Variants in GRB14 observed in about 807,000 individuals in gnomAD.
GRB14 encodes growth factor receptor-bound protein 14.
In GRB14, 38 loss-of-function variants were observed where a neutral mutation model predicts 69.1. The ratio of observed to expected loss-of-function variants is 0.55; its 90% CI spans 0.42 to 0.72. The LOEUF is 0.72. Ranked by LOEUF, GRB14 falls within the 30% of genes least tolerant of loss-of-function variation. The pLI is 0.00. For missense variants in GRB14, 666 were observed against 666.1 expected, an observed-to-expected ratio of 1.00 and a Z score of 0.00; for synonymous variants, 247 against 241.3, an observed-to-expected ratio of 1.02 and a Z score of -0.22.
chr2:164,560,510 A>G (rs1688795085), intron 2 of GRB14, among the ~76,000 whole-genome samples: 1 of 152,032 alleles, frequency 6.6e-6, no homozygotes, highest in African/African-American at 2.4e-5. Flanking sequence ...CAAAGTTAAT[A>G]TCTATTTTTT....
intron 2 of GRB14, among the ~76,000 whole-genome samples, chr2:164,559,911 T>C (rs1055630694): frequency 1.3e-5 from 2 of 152,206 alleles, no homozygotes; most frequent in Non-Finnish European, 2.9e-5. Context: ...TAAATATTTA[T>C]TTTACATCAG....
chr2:164,541,598 G>C (rs1240764517), intron 3 of GRB14, among the ~76,000 whole-genome samples: 1 of 151,628 alleles, frequency 6.6e-6, no homozygotes, highest in Non-Finnish European at 1.5e-5. Context: ...TCAGGCAAAA[G>C]AGACCCTATC....
At chr2:164,538,784 A>G (rs143452456) in intron 3 of GRB14, among the ~76,000 whole-genome samples, 262 of 152,332 alleles carry the variant, frequency 1.7e-3, no homozygotes, top group Non-Finnish European at 2.9e-3. Context: ...TACAAATTCA[A>G]AAACAGGTAA....
intron 3 of GRB14, chr2:164,539,955 A>G (rs753808496): frequency 2.6e-5 from 4 of 152,190 alleles, no homozygotes; most frequent in Non-Finnish European, 5.9e-5. Flanking sequence ...TTAGTAGTAT[A>G]CTTTTAAAAC....
At chr2:164,529,337 C>T (rs557502351) in intron 3 of GRB14, among the ~76,000 whole-genome samples, 3 of 152,162 alleles carry the variant, frequency 2.0e-5, no homozygotes, top group East Asian at 1.9e-4. Flanking sequence ...GATTGATGGC[C>T]AGTCGTGATG....
At chr2:164,552,517 CA>C (rs1409660322) in intron 2 of GRB14, among the ~76,000 whole-genome samples, 1 of 152,124 alleles carries the variant, frequency 6.6e-6, no homozygotes. Flanking sequence ...GAGTAAGAGA[CA>C]AATACTTTCT....
In GRB14 at chr2:164,527,077, T is replaced by G; in HGVS notation, c.540A>C (p.Glu180Asp). 5 of 1,589,270 alleles carry G rather than the reference T, an allele frequency of 3.1e-6. No individual in the cohort carries two copies. The highest frequency in any genetic ancestry group is 4.3e-6 in the Non-Finnish European group (5 of 1,160,386). ...VIEVLSNWGI[E>D]EENKLYFRKN... ...TTCTAAAGTATAGTTTGTTTTCTTC[T>G]TCTATCCCCCAGTTGGATAGCACTT... Residue 180 changes from glutamate (E) to aspartate (D), a missense_variant, in exon 4 of 14, where the codon GAA becomes GAC. Glu to Asp is a conservative substitution (Grantham distance 45). Coordinates refer to ENST00000263915, the MANE Select transcript of GRB14 (RefSeq NM_004490.3).
At chr2:164,611,499 T>G (rs745443341) in intron 2 of GRB14, among the ~76,000 whole-genome samples, 18 of 151,882 alleles carry the variant, frequency 1.2e-4, no homozygotes, top group Non-Finnish European at 1.9e-4. Context: ...TGGAGAAAGA[T>G]AAATTTAGAG....
chr2:164,603,944 A>T (rs2105354514), intron 2 of GRB14, among the ~76,000 whole-genome samples: 1 of 152,358 alleles, frequency 6.6e-6, no homozygotes, highest in African/African-American at 2.4e-5. Flanking sequence ...AGAATAATAC[A>T]GGTAATTCAC....
chr2:164,570,005 A>T (rs1004629958), intron 2 of GRB14, among the ~76,000 whole-genome samples: 1 of 152,146 alleles, frequency 6.6e-6, no homozygotes, highest in Non-Finnish European at 1.5e-5. Context: ...CAAGAATATC[A>T]CCCATAATAT....
chr2:164,560,004 G>C (rs947745027), intron 2 of GRB14, among the ~76,000 whole-genome samples: 1 of 152,098 alleles, frequency 6.6e-6, no homozygotes, highest in African/African-American at 2.4e-5. Context: ...AGGTTAGAAG[G>C]GTTCCTGGAG....
Position 164,619,120 on chromosome 2 carries a change from T to C in GRB14, c.324+567A>G, listed in dbSNP as rs138401216. The stretch of plus-strand genomic sequence containing the variant: ...AATCATAAAGATATGGTCCTTAGTC[T>C]TCTAATTATCACTACGAGTCATCTA... On this transcript the variant is annotated intron_variant, in intron 2 of 13. Transcript: ENST00000263915. Among the ~76,000 whole-genome samples the C allele has an allele frequency of 2.0e-5, 3 of 152,326 alleles. No individual in the cohort carries two copies. In the East Asian group the frequency reaches 5.8e-4, roughly 29 times the overall value.
intron 2 of GRB14, among the ~76,000 whole-genome samples, chr2:164,585,168 G>A (rs556346265): frequency 5.4e-4 from 65 of 121,280 alleles, no homozygotes; most frequent in African/African-American, 1.7e-3. Context: ...GGCTGGTCTC[G>A]AACTCCTGAC....
intron 2 of GRB14, among the ~76,000 whole-genome samples, chr2:164,617,162 G>T (rs1030327758): frequency 2.6e-5 from 4 of 152,194 alleles, no homozygotes; most frequent in African/African-American, 9.6e-5. Flanking sequence ...TCAACTTTGG[G>T]GTACCCTTGT....
rs1686840861 is a variant in GRB14 at position 164,494,510 on chromosome 2, C to T, written c.1397G>A (p.Arg466Gln). The T allele has an allele frequency of 1.9e-6, 3 of 1,563,680 alleles. No individual in the cohort carries two copies. The highest frequency in any genetic ancestry group is 2.2e-5 in the East Asian group (1 of 44,536). ...AGTTTTGGGGTTACTCTGACTATCC[C>T]GTACCAAGAAAACTCTAAAGAGAGA... The part of the protein sequence containing the change: ...QGLVDGVFLV[R>Q]DSQSNPKTFV... The change falls in exon 13 of 14, where the codon CGG (arginine) becomes CAG (glutamine). Residue 466 changes from arginine to glutamine, a missense_variant. Arg to Gln is a conservative substitution (Grantham distance 43, BLOSUM62 1). Coordinates refer to ENST00000263915, the MANE Select transcript of GRB14 (RefSeq NM_004490.3).
chr2:164,557,119 A>C (rs949734039), intron 2 of GRB14, among the ~76,000 whole-genome samples: 2 of 152,242 alleles, frequency 1.3e-5, no homozygotes, highest in African/African-American at 4.8e-5. Context: ...TAAGGAAAGA[A>C]GGTAAGAAAA....
At position 164,508,635 on chromosome 2, in the gene GRB14, A is replaced by G. The variant is rs1012484387; in HGVS notation, c.928-85T>C. The G allele has an allele frequency of 9.7e-6, 14 of 1,444,604 alleles. No homozygotes were observed. In the East Asian group the frequency reaches 3.2e-4, roughly 33 times the overall value. The allele number at this position is 1,444,604 out of a possible 1,614,324, so 89.5% of individuals were successfully genotyped here. The stretch of plus-strand genomic sequence containing the variant: ...AAATAAAAGCCACTAAAATTCTCCT[A>G]TATATAAGAGAAAGCTGTCTCTTTT... On this transcript the variant is annotated intron_variant, in intron 7 of 13. Coordinates refer to ENST00000263915, the MANE Select transcript of GRB14 (RefSeq NM_004490.3).
intron 2 of GRB14, among the ~76,000 whole-genome samples, chr2:164,556,798 T>C (rs892168334): frequency 6.6e-6 from 1 of 152,154 alleles, no homozygotes; most frequent in Non-Finnish European, 1.5e-5. Flanking sequence ...GAACGATGTA[T>C]GACATCAGGG....
At chr2:164,592,167 C>T (rs1474575490) in intron 2 of GRB14, among the ~76,000 whole-genome samples, 1 of 151,886 alleles carries the variant, frequency 6.6e-6, no homozygotes, top group African/African-American at 2.4e-5. Context: ...TGGAGTCTCA[C>T]TCTGTCTCCC....
Sources: allele counts gnomAD v4.1 joint callset (sites outside exome capture counted in the v4.1 genomes callset), GRCh38; gene constraint gnomAD v4.1.1; transcripts MANE v1.5; gene names NCBI Gene and HGNC (gene_info 2026-07-23, HGNC 2026-07-21).